The following CEP78 variants were observed in gnomAD, a reference collection of about 807,000 sequenced individuals.
The protein encoded by CEP78 is centrosomal protein 78, also known as centrosomal protein of 78 kDa.
CEP78 carries 76 observed loss-of-function variants against 81.2 expected under a neutral mutation model. The ratio of observed to expected loss-of-function variants is 0.94; its 90% CI spans 0.78 to 1.13. The LOEUF (loss-of-function observed/expected upper bound fraction) is 1.13. Ranked by LOEUF, CEP78 falls within the 50% of genes most tolerant of loss-of-function variation. The pLI is 0.00. For synonymous variants in CEP78, 293 were observed against 301.4 expected, an observed-to-expected ratio of 0.97 and a Z score of 0.29; for missense variants, 918 against 846.8, an observed-to-expected ratio of 1.08 and a Z score of -1.04.
chr9:78,253,127 G>C, intron 9 of CEP78, 105 bp from the exon 10 acceptor site: 1 of 681,282 alleles, frequency 1.5e-6, no homozygotes, highest in Non-Finnish European at 2.7e-6. Flanking sequence ...TCTATGCACA[G>C]TTATGTATGG....
chr9:78,266,508 AC>A lies in CEP78; in HGVS notation c.1913del (p.Thr638IlefsTer5), dbSNP rs1827539617. On this transcript the variant is annotated frameshift_variant, in exon 16 of 17. Coordinates refer to ENST00000643273, the MANE Select transcript of CEP78 (RefSeq NM_001330691.3). LOFTEE classifies it high-confidence loss of function. ...CGACTCCTTTCCTGTCCCAGTTTCT[AC>A]TCCAGAGGGCTTAGGAACTTCCAGC... is the stretch of plus-strand genomic sequence containing the variant. ...PLDSFPVPVSTPEGLGTSSNN... is the reference protein window; with the variant it reads ...PLDSFPVPVSXPEGLGTSSNN... The A allele has an allele frequency of 6.2e-7, 1 of 1,613,418 alleles. No individual in the cohort carries two copies. The highest frequency in any genetic ancestry group is 1.1e-5 in the South Asian group (1 of 91,074).
chr9:78,256,524 A>AT (rs35059009), intron 11 of CEP78, among the ~76,000 whole-genome samples: 1,878 of 76,712 alleles, frequency 0.024, 197 homozygotes, highest in African/African-American at 0.078. Context: ...CTGCTCCCTT[A>AT]TTTTTTTTTT....
At chr9:78,239,054 C>A (rs943991965) in intron 1 of CEP78, among the ~76,000 whole-genome samples, 24 of 151,622 alleles carry the variant, frequency 1.6e-4, no homozygotes, top group African/African-American at 5.6e-4. Flanking sequence ...GGAGGGACCT[C>A]AGAGTCAAGG....
rs1242899292 is a variant in CEP78, at chr9:78,243,481, A to G, written c.623A>G (p.His208Arg). Residue 208 changes from histidine to arginine, a missense_variant, in exon 5 of 17, where the codon CAT becomes CGT. By Grantham distance (29) the His-to-Arg change is conservative (BLOSUM62 0). Coordinates refer to ENST00000643273, the MANE Select transcript of CEP78 (RefSeq NM_001330691.3). ...TTGAAGTATCAGACCATGAGAAGGC[A>G]TGAAGAAACCTGGGCTGAGAGTCTT... ...KILKYQTMRRHEETWAESLRY... is the reference protein window; with the variant it reads ...KILKYQTMRRREETWAESLRY... 3 of 1,613,228 alleles carry G rather than the reference A, an allele frequency of 1.9e-6. No individual in the cohort carries two copies. Among genetic ancestry groups the G allele is most frequent in the Admixed American group, 3.3e-5 (2 of 59,856 alleles).
intron 10 of CEP78, chr9:78,254,536 G>GA (rs750876199): frequency 3.3e-4 from 51 of 156,748 alleles, no homozygotes; most frequent in Admixed American, 4.5e-4. Context: ...TGGTTTATGT[G>GA]AAAAAAGTGT....
intron 4 of CEP78, 96 bp downstream of exon 4, chr9:78,241,895 C>A: frequency 1.5e-6 from 1 of 645,674 alleles, no homozygotes; most frequent in Non-Finnish European, 2.7e-6. Context: ...TCTTTTGATA[C>A]ATATGGGCAT....
At chr9:78,270,291 C>T (rs1005863070) in intron 16 of CEP78, among the ~76,000 whole-genome samples, 2 of 152,082 alleles carry the variant, frequency 1.3e-5, no homozygotes, top group Non-Finnish European at 2.9e-5. Flanking sequence ...TATATTTTAT[C>T]AAACATTTAA....
chr9:78,261,590 T>C (rs745992283), intron 11 of CEP78, among the ~76,000 whole-genome samples: 4 of 152,192 alleles, frequency 2.6e-5, no homozygotes. Flanking sequence ...ATATGTAACA[T>C]TATGTTCTCA....
rs1248771360 is a variant in CEP78, at chr9:78,236,331, C to T, written c.-20C>T. The T allele has an allele frequency of 6.5e-6, 10 of 1,548,866 alleles. No homozygotes were observed. Among genetic ancestry groups the T allele is most frequent in the Non-Finnish European group, 7.8e-6 (9 of 1,152,994 alleles). ...GGCGGCGTCTCCGCGGCGGGCATCC[C>T]CCGAGGCCGCCCTCGGGCCATGATC... On this transcript the variant is annotated 5_prime_UTR_variant, in exon 1 of 17. Coordinates refer to ENST00000643273, the MANE Select transcript of CEP78 (RefSeq NM_001330691.3).
At position 78,265,368 on chromosome 9, in the gene CEP78, C is replaced by G; in HGVS notation, c.1626-4C>G. On this transcript the variant is annotated splice_region_variant and splice_polypyrimidine_tract_variant and intron_variant, in intron 13 of 16. Transcript: ENST00000643273. ...CCTTTTCCTCCTTTTCTTCTCTCGA[C>G]CAGGCTTGGGCAGCTTGCCACAATG... The G allele has an allele frequency of 6.3e-7, 1 of 1,575,226 alleles. No individual in the cohort carries two copies. The highest frequency in any genetic ancestry group is 8.6e-7 in the Non-Finnish European group (1 of 1,164,952).
At chr9:78,247,235 G>A (rs911870064) in intron 6 of CEP78, among the ~76,000 whole-genome samples, 9 of 152,200 alleles carry the variant, frequency 5.9e-5, no homozygotes, top group Admixed American at 3.3e-4. Context: ...AGTAGGAAGT[G>A]CAAAAATACC....
intron 8 of CEP78, among the ~76,000 whole-genome samples, chr9:78,250,605 G>A (rs1563985549): frequency 6.6e-6 from 1 of 152,010 alleles, no homozygotes; most frequent in Non-Finnish European, 1.5e-5. Flanking sequence ...CGGGCGTGGC[G>A]GCGTGCACCT....
chr9:78,265,894 A>T lies in CEP78; in HGVS notation c.1833A>T (p.Gly611=). The stretch of plus-strand genomic sequence containing the variant: ...GTATGCAGTCAGCTTACAATGAAGG[A>T]ACACTAATGAAGGTACAAGTACTGA... ...SICMQSAYNE[G]TLMKFQKITG... The change falls in exon 15 of 17, where the codon GGA becomes GGT. Residue 611 remains glycine (G), a synonymous_variant. Coordinates refer to ENST00000643273, the MANE Select transcript of CEP78 (RefSeq NM_001330691.3). 1.4e-6 allele frequency: 2 copies of T among 1,379,848 alleles called. No individual in the cohort carries two copies. The highest frequency in any genetic ancestry group is 2.0e-6 in the Non-Finnish European group (2 of 989,950). The allele number at this position is 1,379,848 out of a possible 1,614,324, so 85.5% of individuals were successfully genotyped here.
At chr9:78,241,275 G>T (rs1011702335) in intron 3 of CEP78, among the ~76,000 whole-genome samples, 2 of 152,106 alleles carry the variant, frequency 1.3e-5, no homozygotes, top group Admixed American at 1.3e-4. Flanking sequence ...TACATTAGGT[G>T]CTCTAGTATA....
intron 8 of CEP78, chr9:78,250,412 CAAGAT>C (rs1202768599): frequency 5.1e-6 from 2 of 389,982 alleles, no homozygotes; most frequent in Admixed American, 4.4e-5. Context: ...TTTCATCTAA[CAAGAT>C]AAGTAAATTA....
chr9:78,245,154 A>G (rs1826418772), intron 5 of CEP78, among the ~76,000 whole-genome samples: 1 of 151,860 alleles, frequency 6.6e-6, no homozygotes, highest in African/African-American at 2.4e-5. Flanking sequence ...GTGGTGTCTT[A>G]GTCAGTTAGG....
chr9:78,248,892 G>T lies in CEP78; in HGVS notation c.1069+19G>T. Reference sequence around the variant, plus strand: ...AGAATTGGTAACCTTTTCTGTCTTGGCTTTTTAATGCTACTAGTGTTCTAG... The same window carrying T: ...AGAATTGGTAACCTTTTCTGTCTTGTCTTTTTAATGCTACTAGTGTTCTAG... On this transcript the variant is annotated intron_variant, in intron 8 of 16. Coordinates refer to ENST00000643273, the MANE Select transcript of CEP78 (RefSeq NM_001330691.3). 1 of 1,205,950 alleles carries T rather than the reference G, an allele frequency of 8.3e-7. No homozygotes were observed. Among genetic ancestry groups the T allele is most frequent in the Non-Finnish European group, 1.2e-6 (1 of 836,794 alleles). The allele number at this position is 1,205,950 out of a possible 1,614,324, so 74.7% of individuals were successfully genotyped here.
At chr9:78,260,220 G>C (rs999065422) in intron 11 of CEP78, among the ~76,000 whole-genome samples, 1 of 152,114 alleles carries the variant, frequency 6.6e-6, no homozygotes, top group African/African-American at 2.4e-5. Flanking sequence ...ATGTTTATTT[G>C]CTTTGACCTA....
At chr9:78,252,871 A>G (rs1247505019) in intron 9 of CEP78, among the ~76,000 whole-genome samples, 10 of 152,220 alleles carry the variant, frequency 6.6e-5, no homozygotes, top group Admixed American at 6.5e-4. Flanking sequence ...ACTTCCATTT[A>G]ATAACTTCAC....
Sources: allele counts gnomAD v4.1 joint callset (sites outside exome capture counted in the v4.1 genomes callset), GRCh38; gene constraint gnomAD v4.1.1; transcripts MANE v1.5; gene names NCBI Gene and HGNC (gene_info 2026-07-23, HGNC 2026-07-21).